PDZD2: variants seen among roughly 807,000 people sequenced by gnomAD.
The protein encoded by PDZD2 is PDZ domain-containing protein 2.
A neutral mutation model predicts 220.7 loss-of-function variants in PDZD2; 90 were observed. That is an observed-to-expected ratio of 0.41 (90% CI 0.34 to 0.49). PDZD2 has a LOEUF of 0.49. Among genes scored for constraint, PDZD2 ranks in the 20% least tolerant of loss-of-function variants. The pLI is 0.28. For synonymous variants in PDZD2, 1,375 were observed against 1,450.5 expected, an observed-to-expected ratio of 0.95 and a Z score of 1.18; for missense variants, 3,174 against 3,608.5, an observed-to-expected ratio of 0.88 and a Z score of 3.08.
chr5:31,893,788 A>C (rs1466922937), intron 2 of PDZD2, among the ~76,000 whole-genome samples: 1 of 152,190 alleles, frequency 6.6e-6, no homozygotes, highest in Non-Finnish European at 1.5e-5. Flanking sequence ...ACAGTTACTA[A>C]AAATTTCAGA....
intron 2 of PDZD2, among the ~76,000 whole-genome samples, chr5:31,966,913 A>T (rs1183970898): frequency 6.6e-6 from 1 of 152,216 alleles, no homozygotes; most frequent in Non-Finnish European, 1.5e-5. Context: ...CAGATCTTCA[A>T]AAATGCTCCG....
chr5:32,085,857 T>G (rs868853359), intron 19 of PDZD2, among the ~76,000 whole-genome samples: 1 of 128,476 alleles, frequency 7.8e-6, no homozygotes, highest in Non-Finnish European at 1.8e-5. Context: ...TACAACTGTT[T>G]TTTTTTTTTC....
At chr5:31,895,216 G>C (rs1741439786) in intron 2 of PDZD2, among the ~76,000 whole-genome samples, 1 of 152,130 alleles carries the variant, frequency 6.6e-6, no homozygotes. Flanking sequence ...CAAGTGCAAT[G>C]GACTGAATGT....
chr5:31,663,716 G>T (rs1464930888), intron 1 of PDZD2, among the ~76,000 whole-genome samples: 2 of 152,134 alleles, frequency 1.3e-5, no homozygotes, highest in Non-Finnish European at 2.9e-5. Flanking sequence ...GCGGTATTTG[G>T]CTCCGTGTGA....
chr5:31,920,313 A>T (rs972398881), intron 2 of PDZD2, among the ~76,000 whole-genome samples: 1 of 150,908 alleles, frequency 6.6e-6, no homozygotes, highest in African/African-American at 2.4e-5. Flanking sequence ...TAAATAAATA[A>T]TTTTTTCTGA....
Position 32,058,045 on chromosome 5 carries a change from G to T in PDZD2, c.2142G>T (p.Leu714=). Residue 714 remains leucine, a synonymous_variant, in exon 12 of 25, where the codon CTG becomes CTT. Coordinates refer to ENST00000438447, the MANE Select transcript of PDZD2 (RefSeq NM_178140.4). ...GGSDEGSSSS[L]GRKTPGPKDR... Reference sequence around the variant, plus strand: ...CCGATGAAGGCAGTTCTTCATCCCTGGGTCGGAAGACCCCTGGGCCCAAGG... The same window carrying T: ...CCGATGAAGGCAGTTCTTCATCCCTTGGTCGGAAGACCCCTGGGCCCAAGG... 6.2e-7 allele frequency: 1 copy of T among 1,612,908 alleles called. No homozygotes were observed. The highest frequency in any genetic ancestry group is 8.5e-7 in the Non-Finnish European group (1 of 1,178,962).
chr5:31,967,873 C>T (rs565228860), intron 2 of PDZD2, among the ~76,000 whole-genome samples: 9 of 152,124 alleles, frequency 5.9e-5, no homozygotes, highest in Non-Finnish European at 1.3e-4. Flanking sequence ...GGTTTGGAAG[C>T]TTATTAGCAC....
chr5:31,891,358 C>T (rs1741024140), intron 2 of PDZD2, among the ~76,000 whole-genome samples: 1 of 151,504 alleles, frequency 6.6e-6, no homozygotes, highest in South Asian at 2.1e-4. Context: ...TTCTTGTTGC[C>T]CAGGCTGGAA....
At chr5:31,865,182 C>A (rs1738100587) in intron 2 of PDZD2, among the ~76,000 whole-genome samples, 1 of 152,052 alleles carries the variant, frequency 6.6e-6, no homozygotes, top group Non-Finnish European at 1.5e-5. Context: ...CTATTCTGTC[C>A]TTTTCCAATA....
At chr5:31,937,613 T>C (rs1009151010) in intron 2 of PDZD2, among the ~76,000 whole-genome samples, 2 of 152,216 alleles carry the variant, frequency 1.3e-5, no homozygotes, top group African/African-American at 4.8e-5. Context: ...ACATCATTGC[T>C]AGTCTCTCTT....
intron 3 of PDZD2, among the ~76,000 whole-genome samples, chr5:31,992,882 C>T (rs1368895948): frequency 6.7e-6 from 1 of 148,546 alleles, no homozygotes; most frequent in Non-Finnish European, 1.5e-5. Context: ...AAAAAAAAGC[C>T]ACCATCCTAC....
Position 32,098,248 on chromosome 5 carries a change from TAAAAATA to T in PDZD2, c.7948-110_7948-104del. 9.5e-7 allele frequency: 1 copy of T among 1,047,588 alleles called. No individual in the cohort carries two copies. Among genetic ancestry groups the T allele is most frequent in the East Asian group, 2.5e-5 (1 of 39,270 alleles). 64.9% of individuals were successfully genotyped at this position (1,047,588 alleles called of 1,614,324 possible). A position where few individuals can be genotyped will look rare whatever the true frequency, so the allele number is the denominator to read the frequency against. ...CACAGCGAGACTCCCTCTCAAAAAA[TAAAAATA>T]AAAAAGGAAGGTTCCTTTACTACAG... On this transcript the variant is annotated intron_variant, in intron 22 of 24. Transcript: ENST00000438447. This position sits in a 1 kb window ranked among gnomAD's most constrained non-coding sequence, Gnocchi z 4.1.
At chr5:31,708,981 G>T (rs425927) in intron 1 of PDZD2, among the ~76,000 whole-genome samples, 30,939 of 149,646 alleles carry the variant, frequency 0.21, 3,535 homozygotes, top group East Asian at 0.35. Flanking sequence ...TCCGCCTCCC[G>T]GGTTCAAGCG....
intron 19 of PDZD2, among the ~76,000 whole-genome samples, chr5:32,080,554 G>C (rs1741834695): frequency 1.3e-5 from 2 of 151,952 alleles, no homozygotes; most frequent in African/African-American, 4.8e-5. Context: ...ATAGAAGAGG[G>C]ACAGCAAAGG....
At chr5:32,078,912 C>G (rs1741625282) in intron 19 of PDZD2, among the ~76,000 whole-genome samples, 1 of 151,778 alleles carries the variant, frequency 6.6e-6, no homozygotes, top group African/African-American at 2.4e-5. Flanking sequence ...TTTTAAAAAT[C>G]AACTGAATTA....
chr5:31,877,725 T>A (rs1739434599), intron 2 of PDZD2, among the ~76,000 whole-genome samples: 1 of 151,920 alleles, frequency 6.6e-6, no homozygotes, highest in Non-Finnish European at 1.5e-5. Context: ...GTTTTGCTCT[T>A]TTTGCCCAGG....
intron 1 of PDZD2, among the ~76,000 whole-genome samples, chr5:31,716,961 G>C (rs1446561582): frequency 6.6e-6 from 1 of 152,116 alleles, no homozygotes; most frequent in East Asian, 1.9e-4. Flanking sequence ...GTGGCGGTGA[G>C]AGGGGATAGG....
rs894024258 is a variant in PDZD2, at chr5:31,645,371, C to T, written c.-361+5934C>T. ...TTTTTTTTTGAGACGGAGTCTTGCT[C>T]TGTCGCCCTGCCTGGAGTGCAGTGG... On this transcript the variant is annotated intron_variant, in intron 1 of 24. Transcript: ENST00000438447. Among the ~76,000 whole-genome samples the T allele has an allele frequency of 8.6e-5, 12 of 138,838 alleles. No individual in the cohort carries two copies. In the South Asian group the frequency reaches 2.7e-3, roughly 32 times the overall value. 91.1% of individuals were successfully genotyped at this position (138,838 alleles called of 152,430 possible).
intron 2 of PDZD2, among the ~76,000 whole-genome samples, chr5:31,913,150 C>T (rs1264427226): frequency 6.6e-6 from 1 of 152,048 alleles, no homozygotes; most frequent in Non-Finnish European, 1.5e-5. Flanking sequence ...GGGTGGATTG[C>T]TTGAGGTCAG....
Sources: allele counts gnomAD v4.1 joint callset (sites outside exome capture counted in the v4.1 genomes callset), GRCh38; gene constraint gnomAD v4.1.1; non-coding constraint Gnocchi (gnomAD v3.1); transcripts MANE v1.5; gene names NCBI Gene and HGNC (gene_info 2026-07-23, HGNC 2026-07-21).